Variants in COL14A1 observed in about 807,000 individuals in gnomAD.
The protein encoded by COL14A1 is collagen type XIV alpha 1 chain, also known as collagen alpha-1(XIV) chain.
A neutral mutation model predicts 230.3 loss-of-function variants in COL14A1; 136 were observed. That is an observed-to-expected ratio of 0.59 (90% CI 0.51 to 0.68). The LOEUF (loss-of-function observed/expected upper bound fraction) is 0.68. Ranked by LOEUF, COL14A1 falls within the 30% of genes least tolerant of loss-of-function variation. COL14A1 has a pLI of 0.00. For missense variants in COL14A1, 1,976 were observed against 2,215.8 expected, an observed-to-expected ratio of 0.89 and a Z score of 2.17; for synonymous variants, 792 against 784.1, an observed-to-expected ratio of 1.01 and a Z score of -0.17.
At chr8:120,286,600 C>T (rs1820211795) in intron 33 of COL14A1, among the ~76,000 whole-genome samples, 1 of 152,152 alleles carries the variant, frequency 6.6e-6, no homozygotes, top group Admixed American at 6.5e-5. Flanking sequence ...AGCTCTGCCT[C>T]CCGGGTTCAC....
chr8:120,184,064 T>C (rs1816563709), intron 5 of COL14A1, among the ~76,000 whole-genome samples: 1 of 152,068 alleles, frequency 6.6e-6, no homozygotes, highest in Non-Finnish European at 1.5e-5. Flanking sequence ...CCTCATAGGA[T>C]TAATACTGGA....
chr8:120,149,943 C>G (rs555314777), intron 2 of COL14A1, among the ~76,000 whole-genome samples: 4 of 152,274 alleles, frequency 2.6e-5, no homozygotes, highest in Admixed American at 2.6e-4. Context: ...ATCCACCCTC[C>G]TTGGCCTCCC....
Position 120,371,232 on chromosome 8 carries a change from T to C in COL14A1, c.*1T>C, listed in dbSNP as rs1390108558. The C allele has an allele frequency of 1.2e-6, 2 of 1,609,018 alleles. No homozygotes were observed. Among genetic ancestry groups the C allele is most frequent in the Admixed American group, 3.4e-5 (2 of 59,052 alleles). On this transcript the variant is annotated 3_prime_UTR_variant, in exon 48 of 48. Transcript: ENST00000297848. ...GGAACTGTGGGGCCCTGGAGTCTGA[T>C]AGCCTCAGGAGAAATTTGAAGACCA...
intron 7 of COL14A1, among the ~76,000 whole-genome samples, chr8:120,198,751 AT>A (rs1400204411): frequency 1.3e-5 from 2 of 152,246 alleles, no homozygotes; most frequent in African/African-American, 4.8e-5. Context: ...CATATTAGAG[AT>A]GCTCAGATGA....
chr8:120,270,579 T>A (rs1025132136), intron 26 of COL14A1, among the ~76,000 whole-genome samples: 4 of 151,774 alleles, frequency 2.6e-5, no homozygotes, highest in Non-Finnish European at 1.5e-5. Flanking sequence ...TTAAAAAATA[T>A]GTATCAAGGA....
chr8:120,134,355 C>A (rs1302301258), intron 1 of COL14A1, among the ~76,000 whole-genome samples: 1 of 151,868 alleles, frequency 6.6e-6, no homozygotes, highest in Admixed American at 6.6e-5. Context: ...TAAAATATAG[C>A]ATTGTTAACC....
At chr8:120,143,582 G>C (rs751760351) in intron 1 of COL14A1, among the ~76,000 whole-genome samples, 5 of 152,140 alleles carry the variant, frequency 3.3e-5, no homozygotes, top group Non-Finnish European at 5.9e-5. Flanking sequence ...AGTGGGCCGA[G>C]ATCGCACCAC....
chr8:120,206,867 T>G, intron 9 of COL14A1, 76 bp from the exon 10 acceptor site: 1 of 1,344,208 alleles, frequency 7.4e-7, no homozygotes, highest in Non-Finnish European at 1.0e-6. Context: ...TATTTATTTC[T>G]GTCTAATGAG....
rs1196581555 is a variant in COL14A1, at chr8:120,199,460, T to G, written c.771T>G (p.Thr257=). 1 of 1,612,658 alleles carries G rather than the reference T, an allele frequency of 6.2e-7. No homozygotes were observed. The highest frequency in any genetic ancestry group is 8.5e-7 in the Non-Finnish European group (1 of 1,179,442). The change falls in exon 8 of 48, where the codon ACT becomes ACG. Residue 257 remains threonine, a synonymous_variant. Coordinates refer to ENST00000297848, the MANE Select transcript of COL14A1 (RefSeq NM_021110.4). ...TCAAACCAGAAGCAGGATCAAGGAC[T>G]GGAGTATCCAAAATTGGCATTTTAA... ...NSFKPEAGSR[T]GVSKIGILIT...
intron 46 of COL14A1, among the ~76,000 whole-genome samples, chr8:120,368,721 G>A (rs562928785): frequency 3.3e-5 from 5 of 152,072 alleles, no homozygotes; most frequent in South Asian, 4.2e-4. Context: ...AAGAAATTTT[G>A]GATTAGTATA....
intron 16 of COL14A1, 144 bp downstream of exon 16, chr8:120,226,910 A>C (rs1311469826): frequency 1.4e-6 from 1 of 734,642 alleles, no homozygotes; most frequent in East Asian, 2.7e-5. Flanking sequence ...AGAAATGTCA[A>C]ATCATAAGAT....
chr8:120,306,601 G>T (rs1820865357), intron 36 of COL14A1, among the ~76,000 whole-genome samples: 1 of 152,146 alleles, frequency 6.6e-6, no homozygotes, highest in African/African-American at 2.4e-5. Context: ...CTGGATAGAA[G>T]AATCATATTC....
chr8:120,195,060 AGCTT>A (rs1333487743), intron 5 of COL14A1, among the ~76,000 whole-genome samples: 1 of 152,204 alleles, frequency 6.6e-6, no homozygotes, highest in Non-Finnish European at 1.5e-5. Flanking sequence ...TGTACTGTTT[AGCTT>A]CCATAATGAA....
At chr8:120,163,494 T>C (rs28429513) in intron 4 of COL14A1, among the ~76,000 whole-genome samples, 1,641 of 152,318 alleles carry the variant, frequency 0.011, 27 homozygotes, top group African/African-American at 0.036. Context: ...CTGGGTGCGT[T>C]GACTCATGCC....
At chr8:120,333,172 A>C (rs1322179119) in intron 42 of COL14A1, among the ~76,000 whole-genome samples, 1 of 152,254 alleles carries the variant, frequency 6.6e-6, no homozygotes, top group East Asian at 1.9e-4. Context: ...CCAGTAAAAC[A>C]CACACTCACA....
intron 1 of COL14A1, among the ~76,000 whole-genome samples, chr8:120,127,834 C>G (rs758979410): frequency 2.6e-5 from 4 of 152,184 alleles, no homozygotes; most frequent in African/African-American, 7.2e-5. Context: ...CTAGTGTAAC[C>G]TAAGATCCCT....
intron 1 of COL14A1, among the ~76,000 whole-genome samples, chr8:120,130,201 A>G (rs1814481734): frequency 6.6e-6 from 1 of 152,226 alleles, no homozygotes; most frequent in African/African-American, 2.4e-5. Flanking sequence ...ATTTTTTCAT[A>G]GCAAAGCTTT....
intron 5 of COL14A1, among the ~76,000 whole-genome samples, chr8:120,191,435 T>TA (rs1292956650): frequency 6.6e-6 from 1 of 151,822 alleles, no homozygotes; most frequent in Non-Finnish European, 1.5e-5. Flanking sequence ...TCTGTTCTTT[T>TA]ACATTTGCTG....
chr8:120,239,778 C>A (rs530318368), intron 19 of COL14A1, among the ~76,000 whole-genome samples: 2 of 150,630 alleles, frequency 1.3e-5, no homozygotes, highest in Non-Finnish European at 2.9e-5. Context: ...AAAAATGAGA[C>A]CCGTGGAAAC....
Sources: gnomAD v4.1 joint callset for allele counts (sites outside exome capture counted in the v4.1 genomes callset) on GRCh38, gnomAD v4.1.1 for gene constraint, MANE v1.5 for transcripts, NCBI Gene and HGNC (gene_info 2026-07-23, HGNC 2026-07-21) for gene names.